SRPK1: variants seen among roughly 807,000 people sequenced by gnomAD.
SRPK1 encodes the protein SFRS protein kinase 1.
In SRPK1, 52 loss-of-function variants were observed where a neutral mutation model predicts 89.5. The ratio of observed to expected loss-of-function variants is 0.58; its 90% CI spans 0.46 to 0.73. SRPK1 has a LOEUF of 0.73. Ranked by LOEUF, SRPK1 falls within the 30% of genes least tolerant of loss-of-function variation. The pLI is 0.00. For missense variants in SRPK1, 603 were observed against 780.6 expected (o/e 0.77, Z 2.71); for synonymous variants, 255 against 270.2 (o/e 0.94, Z 0.55).
chr6:35,867,290 G>A (rs1399399416), intron 12 of SRPK1, among the ~76,000 whole-genome samples: 1 of 152,200 alleles, frequency 6.6e-6, no homozygotes, highest in Non-Finnish European at 1.5e-5. Flanking sequence ...TGGACCAGAT[G>A]ATAGCGTAGT....
chr6:35,861,090 C>T lies in SRPK1; in HGVS notation c.1513-3722G>A, dbSNP rs181785054. ...GCTGACTAGACACAGGTAGTATGTGCCTCATCCACAGAAAGGAACCAGAAC... is the reference window on the plus strand; with the variant it reads ...GCTGACTAGACACAGGTAGTATGTGTCTCATCCACAGAAAGGAACCAGAAC... On this transcript the variant is annotated intron_variant, in intron 12 of 15. Transcript: ENST00000373825. Among the ~76,000 whole-genome samples, 4 of 152,216 alleles carry T rather than the reference C, an allele frequency of 2.6e-5. No homozygotes were observed. In the East Asian group the frequency reaches 5.8e-4, roughly 22 times the overall value.
At chr6:35,869,938 T>C (rs770964979) in intron 10 of SRPK1, 37 bp from the exon 11 acceptor site, 7 of 1,497,618 alleles carry the variant, frequency 4.7e-6, no homozygotes, top group South Asian at 1.4e-5. Context: ...TATATGCATA[T>C]GTGTGTGAGT....
At chr6:35,876,598 T>C (rs1383004188) in intron 6 of SRPK1, among the ~76,000 whole-genome samples, 1 of 152,124 alleles carries the variant, frequency 6.6e-6, no homozygotes, top group Non-Finnish European at 1.5e-5. Context: ...GCAGAGATCA[T>C]GCCACGGCAC....
In SRPK1 at chr6:35,869,906, G is replaced by A. The variant is rs749030089; in HGVS notation, c.992-5C>T. Reference sequence around the variant, plus strand: ...GGCCAATGGTACTTGACTCTTCTAAGGAACAAACGAACAAAAAAAGATATA... The same window carrying A: ...GGCCAATGGTACTTGACTCTTCTAAAGAACAAACGAACAAAAAAAGATATA... On this transcript the variant is annotated splice_region_variant and splice_polypyrimidine_tract_variant and intron_variant, in intron 10 of 15. Coordinates refer to ENST00000373825, the MANE Select transcript of SRPK1 (RefSeq NM_003137.5). 21 of 1,537,030 alleles carry A rather than the reference G, an allele frequency of 1.4e-5. No homozygotes were observed. In the South Asian group the frequency reaches 2.2e-4, roughly 16 times the overall value.
intron 12 of SRPK1, among the ~76,000 whole-genome samples, chr6:35,868,363 C>T (rs547223922): frequency 2.6e-5 from 4 of 152,162 alleles, no homozygotes; most frequent in Admixed American, 6.5e-5. Flanking sequence ...CATGTCATTA[C>T]GAATAACTAA....
At chr6:35,896,989 A>G (rs758463025) in intron 2 of SRPK1, among the ~76,000 whole-genome samples, 1 of 152,242 alleles carries the variant, frequency 6.6e-6, no homozygotes, top group African/African-American at 2.4e-5. Context: ...TTTTATTTAC[A>G]TGAAATGTCC....
At chr6:35,913,362 T>C (rs1172516779) in intron 2 of SRPK1, among the ~76,000 whole-genome samples, 2 of 152,088 alleles carry the variant, frequency 1.3e-5, no homozygotes, top group Non-Finnish European at 2.9e-5. Flanking sequence ...AAAAAAGATA[T>C]AACAGTTGAC....
At chr6:35,873,659 T>C (rs897652634) in intron 7 of SRPK1, among the ~76,000 whole-genome samples, 2 of 150,740 alleles carry the variant, frequency 1.3e-5, no homozygotes, top group African/African-American at 4.9e-5. Context: ...CCGGCTAATT[T>C]TTGTATTTTT....
rs1334251899 is a variant in SRPK1 at position 35,898,396 on chromosome 6, G to C, written c.75-7383C>G. Among the ~76,000 whole-genome samples the C allele has an allele frequency of 2.0e-5, 3 of 152,154 alleles. No homozygotes were observed. In the East Asian group the frequency reaches 5.8e-4, roughly 29 times the overall value. The stretch of plus-strand genomic sequence containing the variant: ...GGTTGGGGAGAAGATTGGGGGGTTA[G>C]GGATAAAAGACTAGATATTGCGTAA... On this transcript the variant is annotated intron_variant, in intron 2 of 15. Coordinates refer to ENST00000373825, the MANE Select transcript of SRPK1 (RefSeq NM_003137.5).
intron 5 of SRPK1, 22 bp from the exon 6 acceptor site, chr6:35,886,833 G>A (rs1770419363): frequency 4.3e-6 from 6 of 1,398,188 alleles, no homozygotes; most frequent in Non-Finnish European, 5.1e-6. Context: ...AAGAGACAGT[G>A]TTTAGCACAA....
intron 2 of SRPK1, among the ~76,000 whole-genome samples, chr6:35,916,154 G>A (rs1686742912): frequency 6.6e-6 from 1 of 151,418 alleles, no homozygotes; most frequent in Non-Finnish European, 1.5e-5. Context: ...AACCCAGGAG[G>A]CTGAGGTTGC....
intron 6 of SRPK1, among the ~76,000 whole-genome samples, chr6:35,884,791 A>T (rs1188446543): frequency 6.6e-6 from 1 of 152,140 alleles, no homozygotes; most frequent in African/African-American, 2.4e-5. Context: ...ACCTGAGGTC[A>T]GGGGTTTGAG....
chr6:35,873,283 T>C (rs773692256), intron 7 of SRPK1, among the ~76,000 whole-genome samples: 13 of 152,216 alleles, frequency 8.5e-5, no homozygotes, highest in Non-Finnish European at 1.6e-4. Context: ...TAATCTGACA[T>C]AGCAATTATC....
intron 12 of SRPK1, among the ~76,000 whole-genome samples, chr6:35,860,077 G>A (rs998256452): frequency 6.6e-6 from 1 of 151,942 alleles, no homozygotes; most frequent in African/African-American, 2.4e-5. Flanking sequence ...TGTTAGCTAG[G>A]ATGGTCTTGA....
intron 2 of SRPK1, among the ~76,000 whole-genome samples, chr6:35,906,830 G>A (rs62403670): frequency 1.3e-5 from 2 of 151,596 alleles, no homozygotes; most frequent in African/African-American, 2.4e-5. Flanking sequence ...TAAAACTGTA[G>A]GAAAAAAAAA....
At position 35,872,606 on chromosome 6, in the gene SRPK1, T is replaced by G; in HGVS notation, c.708A>C (p.Thr236=). The G allele has an allele frequency of 6.2e-7, 1 of 1,612,300 alleles. No homozygotes were observed. The highest frequency in any genetic ancestry group is 8.5e-7 in the Non-Finnish European group (1 of 1,179,272). ...GAGGAGCTCCAGATCGCTGCCATTC[T>G]GTTGCTTCTGCAGCCAGCCTCCGAA... is the stretch of plus-strand genomic sequence containing the variant. The part of the protein sequence containing the change: ...QYIRRLAAEA[T]EWQRSGAPPP... The change falls in exon 8 of 16, where the codon ACA becomes ACC. Residue 236 remains threonine, a synonymous_variant. Coordinates refer to ENST00000373825, the MANE Select transcript of SRPK1 (RefSeq NM_003137.5).
At chr6:35,866,779 G>C (rs1769914440) in intron 12 of SRPK1, among the ~76,000 whole-genome samples, 1 of 152,142 alleles carries the variant, frequency 6.6e-6, no homozygotes, top group Admixed American at 6.5e-5. Context: ...CAACCCAAGT[G>C]TCTAGGAGTA....
chr6:35,870,354 T>A lies in SRPK1; in HGVS notation c.918A>T (p.Gln306His). The change falls in exon 10 of 16, where the codon CAA (glutamine) becomes CAT (histidine). Residue 306 changes from glutamine to histidine, a missense_variant. Coordinates refer to ENST00000373825, the MANE Select transcript of SRPK1 (RefSeq NM_003137.5). ...TTTCAACAGGACTCTCTGATTCTTC[T>A]TGCTTGTTTGGTCTTTTTTGCCCAG... ...SGPGQKRPNK[Q>H]EESESPVERP... The A allele has an allele frequency of 6.2e-7, 1 of 1,612,632 alleles. No homozygotes were observed. Among genetic ancestry groups the A allele is most frequent in the Non-Finnish European group, 8.5e-7 (1 of 1,179,238 alleles).
intron 2 of SRPK1, among the ~76,000 whole-genome samples, chr6:35,913,463 C>A (rs541470809): frequency 3.7e-4 from 57 of 152,118 alleles, no homozygotes; most frequent in African/African-American, 1.3e-3. Flanking sequence ...CACTACACTC[C>A]CACCTGGGCA....
Sources: gnomAD v4.1 joint callset for allele counts (sites outside exome capture counted in the v4.1 genomes callset) on GRCh38, gnomAD v4.1.1 for gene constraint, MANE v1.5 for transcripts, NCBI Gene and HGNC (gene_info 2026-07-23, HGNC 2026-07-21) for gene names.